The following KDM4C variants were observed in gnomAD, a reference collection of about 807,000 sequenced individuals.
KDM4C encodes lysine demethylase 4C.
In KDM4C, 81 loss-of-function variants were observed where a neutral mutation model predicts 129.3. The ratio of observed to expected loss-of-function variants is 0.63; its 90% CI spans 0.52 to 0.75. The LOEUF (loss-of-function observed/expected upper bound fraction) is 0.75, where lower values mean the gene tolerates loss of function less well. Among genes scored for constraint, KDM4C ranks in the 30% least tolerant of loss-of-function variants. KDM4C has a pLI of 0.00. For synonymous variants in KDM4C, 573 were observed against 456.1 expected (o/e 1.26, Z -3.26); for missense variants, 1,457 against 1,304.0 (o/e 1.12, Z -1.81).
intron 16 of KDM4C, among the ~76,000 whole-genome samples, chr9:7,047,744 A>G (rs1829610869): frequency 6.6e-6 from 1 of 152,038 alleles, no homozygotes; most frequent in Admixed American, 6.6e-5. Flanking sequence ...CCAGATTTTC[A>G]TCTTTAATTG....
chr9:6,976,374 C>T (rs1170373166), intron 8 of KDM4C, among the ~76,000 whole-genome samples: 5 of 152,158 alleles, frequency 3.3e-5, no homozygotes, highest in African/African-American at 7.2e-5. Context: ...ACTGTCTTCA[C>T]TAACATTAGG....
intron 17 of KDM4C, among the ~76,000 whole-genome samples, chr9:7,072,936 A>C (rs1242214976): frequency 6.6e-6 from 1 of 152,190 alleles, no homozygotes; most frequent in Non-Finnish European, 1.5e-5. Context: ...TTGACTGTGG[A>C]AATGACTGAT....
At chr9:7,015,772 T>G (rs1295044540) in intron 14 of KDM4C, 81 bp from the exon 15 acceptor site, 52 of 939,846 alleles carry the variant, frequency 5.5e-5, no homozygotes, top group Non-Finnish European at 7.7e-5. Flanking sequence ...TGTCCCATTT[T>G]TATTTATTTC....
intron 17 of KDM4C, 120 bp downstream of exon 17, chr9:7,049,320 C>T: frequency 4.0e-6 from 2 of 502,862 alleles, no homozygotes; most frequent in South Asian, 3.3e-5. Flanking sequence ...TATTTTTCTA[C>T]CCTTATTTTC....
intron 1 of KDM4C, among the ~76,000 whole-genome samples, chr9:6,725,234 C>T (rs560456047): frequency 1.8e-4 from 27 of 151,960 alleles, no homozygotes; most frequent in African/African-American, 6.3e-4. Flanking sequence ...AGGGGTAGAG[C>T]GCAGTGTGTT....
At chr9:6,824,427 A>C (rs1833547031) in intron 4 of KDM4C, among the ~76,000 whole-genome samples, 1 of 152,166 alleles carries the variant, frequency 6.6e-6, no homozygotes, top group East Asian at 1.9e-4. Flanking sequence ...GAGAAGGGTG[A>C]AGAGGGTTCA....
chr9:6,835,254 C>T (rs1588595734), intron 4 of KDM4C: 1 of 904,612 alleles, frequency 1.1e-6, no homozygotes, highest in South Asian at 1.3e-5. Context: ...CCTTCCTGGG[C>T]ATGGAATCCT....
chr9:6,819,837 T>G (rs1458237056), intron 4 of KDM4C, among the ~76,000 whole-genome samples: 1 of 152,210 alleles, frequency 6.6e-6, no homozygotes, highest in African/African-American at 2.4e-5. Flanking sequence ...TGTCTTATCT[T>G]TATATTGTTT....
chr9:6,992,381 T>A (rs1818912760), intron 12 of KDM4C, among the ~76,000 whole-genome samples: 1 of 152,250 alleles, frequency 6.6e-6, no homozygotes, highest in Non-Finnish European at 1.5e-5. Context: ...TCTCAAGGGT[T>A]TGAGGTTACA....
chr9:7,062,507 C>T (rs1244377339), intron 17 of KDM4C, among the ~76,000 whole-genome samples: 2 of 152,080 alleles, frequency 1.3e-5, no homozygotes, highest in African/African-American at 2.4e-5. Flanking sequence ...CCCACTTCAG[C>T]CTTCTGAGTA....
At chr9:6,732,400 A>G (rs1328320907) in intron 1 of KDM4C, among the ~76,000 whole-genome samples, 2 of 101,110 alleles carry the variant, frequency 2.0e-5, no homozygotes, top group Non-Finnish European at 3.9e-5. Flanking sequence ...AAAAAAAAAA[A>G]AGAATGAGGC....
At chr9:7,160,720 G>A (rs556886872) in intron 19 of KDM4C, among the ~76,000 whole-genome samples, 115 of 152,248 alleles carry the variant, frequency 7.6e-4, no homozygotes, top group Non-Finnish European at 1.0e-3. Flanking sequence ...CAGAAGGGGA[G>A]CCACCTATAT....
chr9:6,979,031 A>G (rs1816289747), intron 8 of KDM4C, among the ~76,000 whole-genome samples: 2 of 152,258 alleles, frequency 1.3e-5, no homozygotes, highest in Admixed American at 6.5e-5. Flanking sequence ...AATTGTAATC[A>G]TGATCAGGCC....
At chr9:6,803,250 T>C (rs923834066) in intron 2 of KDM4C, among the ~76,000 whole-genome samples, 9 of 152,172 alleles carry the variant, frequency 5.9e-5, no homozygotes, top group Non-Finnish European at 1.3e-4. Context: ...TTTCTACATG[T>C]GTGCTGTTTT....
chr9:7,092,039 A>G (rs1019236064), intron 17 of KDM4C, among the ~76,000 whole-genome samples: 1 of 152,126 alleles, frequency 6.6e-6, no homozygotes, highest in African/African-American at 2.4e-5. Flanking sequence ...TCCCATGTGG[A>G]TCTTATACCC....
At chr9:6,953,109 C>T (rs973864180) in intron 8 of KDM4C, among the ~76,000 whole-genome samples, 15 of 152,258 alleles carry the variant, frequency 9.9e-5, no homozygotes, top group African/African-American at 3.4e-4. Flanking sequence ...TCCTTGCCAA[C>T]GTTTCTCTGT....
At chr9:7,161,322 C>T (rs1161151295) in intron 19 of KDM4C, among the ~76,000 whole-genome samples, 1 of 152,168 alleles carries the variant, frequency 6.6e-6, no homozygotes, top group African/African-American at 2.4e-5. Flanking sequence ...TCAGCTTGCC[C>T]TCTGTGGGCT....
chr9:7,050,329 A>G (rs1262496532), intron 17 of KDM4C, among the ~76,000 whole-genome samples: 2 of 151,182 alleles, frequency 1.3e-5, no homozygotes, highest in Non-Finnish European at 2.9e-5. Flanking sequence ...TGAGTGGGCC[A>G]TTTAAATGGC....
rs538771120 is a variant in KDM4C at position 7,027,316 on chromosome 9, C to G, written c.2259+11387C>G. ...AGCAGACACCCCAAGCTCAGTAACA[C>G]TGTGGTTCTTGCAGACTTGCAGAGG... On this transcript the variant is annotated intron_variant, in intron 15 of 21. Coordinates refer to ENST00000381309, the MANE Select transcript of KDM4C (RefSeq NM_015061.6). 2.6e-5 allele frequency among the ~76,000 whole-genome samples: 4 copies of G among 152,342 alleles called. No individual in the cohort carries two copies. In the East Asian group the frequency reaches 7.7e-4, roughly 29 times the overall value.
Sources: gnomAD v4.1 joint callset for allele counts (sites outside exome capture counted in the v4.1 genomes callset) on GRCh38, gnomAD v4.1.1 for gene constraint, MANE v1.5 for transcripts, NCBI Gene and HGNC (gene_info 2026-07-23, HGNC 2026-07-21) for gene names.